The following NUMB variants were observed in gnomAD, a reference collection of about 807,000 sequenced individuals.
NUMB encodes protein numb homolog.
In NUMB, 29 loss-of-function variants were observed where a neutral mutation model predicts 59.7. The ratio of observed to expected loss-of-function variants is 0.49; its 90% CI spans 0.36 to 0.66. The LOEUF (loss-of-function observed/expected upper bound fraction) is 0.66. Among genes scored for constraint, NUMB ranks in the 30% least tolerant of loss-of-function variants. The probability of loss-of-function intolerance (pLI) is 0.00; values close to 1 mark genes in which losing one functional copy is unlikely to be tolerated. For missense variants in NUMB, 723 were observed against 822.0 expected (o/e 0.88, Z 1.47); for synonymous variants, 288 against 288.2 (o/e 1.00, Z 0.01).
At chr14:73,400,046 A>G (rs757771175) in intron 2 of NUMB, among the ~76,000 whole-genome samples, 1 of 152,114 alleles carries the variant, frequency 6.6e-6, no homozygotes, top group Non-Finnish European at 1.5e-5. Context: ...CTCAAAAACA[A>G]AAACAAAAAA....
chr14:73,423,334 T>C (rs1434401638), intron 1 of NUMB, among the ~76,000 whole-genome samples: 2 of 141,680 alleles, frequency 1.4e-5, no homozygotes, highest in Non-Finnish European at 3.0e-5. Flanking sequence ...ACCCTGTCTC[T>C]ACTGAAAAAA....
chr14:73,348,548 G>A (rs924724996), intron 4 of NUMB, among the ~76,000 whole-genome samples: 3 of 152,174 alleles, frequency 2.0e-5, no homozygotes, highest in Non-Finnish European at 2.9e-5. Context: ...GATTCTCATA[G>A]GAGCGCGAAC....
In NUMB at chr14:73,276,449, C is replaced by A. The variant is rs1888158734; in HGVS notation, c.*129G>T. On this transcript the variant is annotated 3_prime_UTR_variant, in exon 13 of 13. Transcript: ENST00000555238. Reference sequence around the variant, plus strand: ...CCCCTCACAGTACTCTGGGCCTGGACTTGTTCCTTGGGACCTTTGGGATTA... The same window carrying A: ...CCCCTCACAGTACTCTGGGCCTGGAATTGTTCCTTGGGACCTTTGGGATTA... 1 of 700,718 alleles carries A rather than the reference C, an allele frequency of 1.4e-6. No homozygotes were observed. The highest frequency in any genetic ancestry group is 2.4e-6 in the Non-Finnish European group (1 of 423,714). The allele number at this position is 700,718 out of a possible 1,614,324, so 43.4% of individuals were successfully genotyped here. A position where few individuals can be genotyped will look rare whatever the true frequency, so the allele number is the denominator to read the frequency against.
chr14:73,339,755 C>T (rs1457527337), intron 4 of NUMB, among the ~76,000 whole-genome samples: 2 of 151,502 alleles, frequency 1.3e-5, no homozygotes, highest in East Asian at 1.9e-4. Context: ...TTAACCCTCA[C>T]CCACAACCCC....
chr14:73,301,723 T>TG (rs200127032), intron 6 of NUMB, among the ~76,000 whole-genome samples: 2,093 of 152,266 alleles, frequency 0.014, 48 homozygotes, highest in African/African-American at 0.047. Context: ...CCTCCTGCTT[T>TG]GGCTTCCCAA....
chr14:73,444,660 CT>C (rs764220604), intron 1 of NUMB, among the ~76,000 whole-genome samples: 22 of 152,066 alleles, frequency 1.4e-4, no homozygotes, highest in Non-Finnish European at 2.2e-4. Context: ...GAGATCGAGA[CT>C]TTCCTGGCCA....
chr14:73,281,913 CACCCCCA>C (rs1842054820), intron 11 of NUMB, among the ~76,000 whole-genome samples: 1 of 152,158 alleles, frequency 6.6e-6, no homozygotes, highest in African/African-American at 2.4e-5. Context: ...AAGCCAGTAA[CACCCCCA>C]ACCCCCAACT....
intron 2 of NUMB, among the ~76,000 whole-genome samples, chr14:73,367,348 T>TATAGAG (rs1555375287): frequency 0.026 from 2,700 of 105,260 alleles, 50 homozygotes; most frequent in Middle Eastern, 0.058. Context: ...TATATATATA[T>TATAGAG]AGAGAGAGAG....
intron 6 of NUMB, among the ~76,000 whole-genome samples, chr14:73,299,558 T>C (rs1169739584): frequency 7.8e-6 from 1 of 127,884 alleles, no homozygotes; most frequent in Non-Finnish European, 1.6e-5. Flanking sequence ...ATGTATCATA[T>C]ATGTCATATA....
At chr14:73,456,715 C>A (rs532106173) in intron 1 of NUMB, among the ~76,000 whole-genome samples, 7 of 152,318 alleles carry the variant, frequency 4.6e-5, no homozygotes, top group African/African-American at 1.7e-4. Flanking sequence ...CTACCTGTCT[C>A]TTTAGCAGGT....
At chr14:73,332,163 G>C (rs990250335) in intron 4 of NUMB, among the ~76,000 whole-genome samples, 1 of 152,024 alleles carries the variant, frequency 6.6e-6, no homozygotes, top group Admixed American at 6.6e-5. Context: ...TTCTATGCTG[G>C]GTTCTCAGTT....
chr14:73,388,505 G>A (rs918923650), intron 2 of NUMB, among the ~76,000 whole-genome samples: 1 of 152,064 alleles, frequency 6.6e-6, no homozygotes, highest in African/African-American at 2.4e-5. Flanking sequence ...AATAAAGTTG[G>A]TATCTTTTTT....
At chr14:73,398,415 A>AGAGAGTGTGTGTGTGTGTGTGTGTGT (rs1438462148) in intron 2 of NUMB, among the ~76,000 whole-genome samples, 1 of 118,804 alleles carries the variant, frequency 8.4e-6, no homozygotes, top group Non-Finnish European at 1.8e-5. Flanking sequence ...AGAGAGAGAG[A>AGAGAGTGTGTGTGTGTGTGTGTGTGT]GTGTGTGTGT....
intron 3 of NUMB, among the ~76,000 whole-genome samples, chr14:73,366,207 A>T (rs1042335535): frequency 1.3e-5 from 2 of 151,750 alleles, no homozygotes; most frequent in African/African-American, 4.8e-5. Context: ...TGGCCCTTAT[A>T]TATGTAAGGC....
At chr14:73,433,437 T>C (rs1334966106) in intron 1 of NUMB, among the ~76,000 whole-genome samples, 1 of 152,052 alleles carries the variant, frequency 6.6e-6, no homozygotes, top group East Asian at 1.9e-4. Context: ...AAAATTTTTT[T>C]AAAGTAGTAG....
intron 6 of NUMB, among the ~76,000 whole-genome samples, chr14:73,307,934 C>T (rs749583932): frequency 1.3e-5 from 2 of 151,882 alleles, no homozygotes; most frequent in Non-Finnish European, 2.9e-5. Flanking sequence ...GGGGTTTCAC[C>T]GTGTTAGCCA....
Position 73,372,305 on chromosome 14 carries a change from TTATATATATA to T in NUMB, c.-100-5334_-100-5325del, listed in dbSNP as rs3028704. Among the ~76,000 whole-genome samples the T allele has an allele frequency of 6.6e-3, 566 of 85,982 alleles. 11 individuals are homozygous for T. Among genetic ancestry groups the T allele is most frequent in the African/African-American group, 0.023 (514 of 22,106 alleles). The allele number at this position is 85,982 out of a possible 152,430, so 56.4% of individuals were successfully genotyped here. ...AAGTTGGAATATATATATATTTCTT[TTATATATATA>T]TATATATATATATATATATATAACC... On this transcript the variant is annotated intron_variant, in intron 2 of 12. Coordinates refer to ENST00000555238, the MANE Select transcript of NUMB (RefSeq NM_001005743.2).
intron 4 of NUMB, among the ~76,000 whole-genome samples, chr14:73,334,082 G>A (rs543818212): frequency 8.8e-4 from 129 of 146,018 alleles, no homozygotes; most frequent in African/African-American, 1.7e-3. Context: ...ATGGAGTTTC[G>A]TTCTTGTTTC....
rs1566773092 is a variant in NUMB, at chr14:73,385,495, C to CTTTT, written c.-100-18515_-100-18514insAAAA. Among the ~76,000 whole-genome samples, 3 of 67,546 alleles carry CTTTT rather than the reference C, an allele frequency of 4.4e-5. 1 individual carries two copies. 44.3% of individuals were successfully genotyped at this position (67,546 alleles called of 152,430 possible). A position where few individuals can be genotyped will look rare whatever the true frequency, so the allele number is the denominator to read the frequency against. On this transcript the variant is annotated intron_variant, in intron 2 of 12. Coordinates refer to ENST00000555238, the MANE Select transcript of NUMB (RefSeq NM_001005743.2). The stretch of plus-strand genomic sequence containing the variant: ...CAAAATAGCTACATATGGCTAGTGG[C>CTTTT]CTTTTTTTTTTTTTTTTTTTTTTTG...
Sources: gnomAD v4.1 joint callset for allele counts (sites outside exome capture counted in the v4.1 genomes callset) on GRCh38, gnomAD v4.1.1 for gene constraint, MANE v1.5 for transcripts, NCBI Gene and HGNC (gene_info 2026-07-23, HGNC 2026-07-21) for gene names.